The following CHST9 variants were observed in gnomAD, a reference collection of about 807,000 sequenced individuals.
CHST9 encodes carbohydrate sulfotransferase 9, also known as GalNAc-4-sulfotransferase 2.
A neutral mutation model predicts 44.4 loss-of-function variants in CHST9; 41 were observed. That is an observed-to-expected ratio of 0.92 (90% CI 0.72 to 1.20). The LOEUF (loss-of-function observed/expected upper bound fraction) is 1.20, where lower values mean the gene tolerates loss of function less well. Ranked by LOEUF, CHST9 falls within the 50% of genes most tolerant of loss-of-function variation. The pLI is 0.00. For missense variants in CHST9, 504 were observed against 516.5 expected (o/e 0.98, Z 0.23); for synonymous variants, 171 against 178.4 (o/e 0.96, Z 0.33).
intron 2 of CHST9, among the ~76,000 whole-genome samples, chr18:27,121,511 T>C (rs1489020925): frequency 6.6e-6 from 1 of 152,172 alleles, no homozygotes; most frequent in African/African-American, 2.4e-5. Context: ...AGCTGGTACA[T>C]AGGTTAGCAG....
intron 3 of CHST9, 96 bp downstream of exon 3, chr18:27,048,364 TATTAA>T: frequency 1.2e-6 from 1 of 862,772 alleles, no homozygotes; most frequent in East Asian, 2.7e-5. Context: ...AACCATAAAC[TATTAA>T]TTTTAGTGTG....
chr18:26,968,141 A>G (rs561195578), intron 4 of CHST9, among the ~76,000 whole-genome samples: 1 of 152,284 alleles, frequency 6.6e-6, no homozygotes, highest in South Asian at 2.1e-4. Flanking sequence ...CTGTGACTCA[A>G]TTCTTCTAAT....
intron 2 of CHST9, among the ~76,000 whole-genome samples, chr18:27,113,164 G>A (rs913552520): frequency 2.0e-5 from 3 of 148,274 alleles, no homozygotes; most frequent in Non-Finnish European, 3.0e-5. Flanking sequence ...ACTCCAGCCT[G>A]GGTGACAGAG....
At chr18:27,001,613 G>A (rs1366696966) in intron 4 of CHST9, among the ~76,000 whole-genome samples, 1 of 145,354 alleles carries the variant, frequency 6.9e-6, no homozygotes, top group Non-Finnish European at 1.5e-5. Flanking sequence ...GGGGCTTGGA[G>A]TAAAGGCATT....
chr18:27,127,117 C>T (rs1217801200), intron 2 of CHST9, among the ~76,000 whole-genome samples: 1 of 152,102 alleles, frequency 6.6e-6, no homozygotes, highest in African/African-American at 2.4e-5. Context: ...GGTCTGGAGA[C>T]ATTCAAGTAT....
chr18:26,928,892 G>A (rs1002170870), intron 5 of CHST9, among the ~76,000 whole-genome samples: 2 of 152,168 alleles, frequency 1.3e-5, no homozygotes, highest in African/African-American at 4.8e-5. Flanking sequence ...GTTAAGAGAT[G>A]AATAAATATG....
chr18:27,065,407 C>G (rs1024312646), intron 2 of CHST9, among the ~76,000 whole-genome samples: 13 of 152,094 alleles, frequency 8.5e-5, no homozygotes, highest in African/African-American at 3.1e-4. Context: ...CTTTTGCCTT[C>G]TAGGGGAGGA....
chr18:27,164,336 G>A (rs1025005263), intron 1 of CHST9, among the ~76,000 whole-genome samples: 7 of 144,002 alleles, frequency 4.9e-5, no homozygotes, highest in South Asian at 4.3e-4. Flanking sequence ...AAAAAAAAAC[G>A]CTTTTGCAAA....
At chr18:27,080,341 A>G (rs778035556) in intron 2 of CHST9, among the ~76,000 whole-genome samples, 1 of 151,650 alleles carries the variant, frequency 6.6e-6, no homozygotes, top group African/African-American at 2.4e-5. Flanking sequence ...CTCCTCTTCT[A>G]CTTGGTTAAC....
At chr18:27,028,210 G>A (rs1027434733) in intron 3 of CHST9, among the ~76,000 whole-genome samples, 18 of 152,088 alleles carry the variant, frequency 1.2e-4, no homozygotes, top group African/African-American at 2.9e-4. Context: ...CACCATGCTC[G>A]GCCTATATAG....
intron 1 of CHST9, among the ~76,000 whole-genome samples, chr18:27,150,769 T>A (rs1248337540): frequency 6.6e-6 from 1 of 152,182 alleles, no homozygotes; most frequent in East Asian, 1.9e-4. Flanking sequence ...AACAGGTCAA[T>A]AAAATCTACC....
At chr18:27,028,196 G>A (rs949731838) in intron 3 of CHST9, among the ~76,000 whole-genome samples, 1 of 152,122 alleles carries the variant, frequency 6.6e-6, no homozygotes, top group African/African-American at 2.4e-5. Flanking sequence ...TTACAGATGT[G>A]AGCCACCATG....
chr18:26,989,246 G>A (rs149559727), intron 4 of CHST9, among the ~76,000 whole-genome samples: 224 of 152,128 alleles, frequency 1.5e-3, no homozygotes, highest in Non-Finnish European at 1.9e-3. Flanking sequence ...AAAACAAACC[G>A]TAGAATAAAG....
chr18:27,005,701 G>T (rs1377851906), intron 4 of CHST9, among the ~76,000 whole-genome samples: 1 of 152,044 alleles, frequency 6.6e-6, no homozygotes, highest in African/African-American at 2.4e-5. Flanking sequence ...TATATCAATT[G>T]GTTTCCATGG....
At chr18:27,182,385 T>C (rs528120669) in intron 1 of CHST9, among the ~76,000 whole-genome samples, 2 of 152,310 alleles carry the variant, frequency 1.3e-5, no homozygotes, top group East Asian at 3.9e-4. Flanking sequence ...TAGAACACTG[T>C]AGCTGGTGAT....
At chr18:27,106,124 T>C (rs2058219205) in intron 2 of CHST9, among the ~76,000 whole-genome samples, 1 of 152,170 alleles carries the variant, frequency 6.6e-6, no homozygotes, top group Admixed American at 6.5e-5. Context: ...CCTTAAGGAT[T>C]TATCAATATA....
chr18:27,128,477 C>G (rs1423536117), intron 2 of CHST9, among the ~76,000 whole-genome samples: 1 of 152,088 alleles, frequency 6.6e-6, no homozygotes, highest in Admixed American at 6.5e-5. Flanking sequence ...ACCATATTGG[C>G]CAGGCTGGTC....
chr18:26,981,099 T>C (rs1275975052), intron 4 of CHST9, among the ~76,000 whole-genome samples: 1 of 152,164 alleles, frequency 6.6e-6, no homozygotes. Flanking sequence ...AGAGTTGGAT[T>C]ATTGCATTTT....
chr18:26,964,307 G>T (rs1268065596), intron 4 of CHST9, among the ~76,000 whole-genome samples: 2 of 152,100 alleles, frequency 1.3e-5, no homozygotes, highest in Non-Finnish European at 2.9e-5. Flanking sequence ...ACAAGGTATT[G>T]GTTACATGAA....
Sources: gnomAD v4.1 joint callset for allele counts (sites outside exome capture counted in the v4.1 genomes callset) on GRCh38, gnomAD v4.1.1 for gene constraint, MANE v1.5 for transcripts, NCBI Gene and HGNC (gene_info 2026-07-23, HGNC 2026-07-21) for gene names.